Variants in DMD observed in about 807,000 individuals in gnomAD.
DMD encodes dystrophin.
Under a neutral mutation model 330.1 loss-of-function variants are expected in DMD, and 63 were observed. That is an observed-to-expected ratio of 0.19 (90% CI 0.16 to 0.24). The LOEUF is 0.24. Among genes scored for constraint, DMD ranks in the 10% least tolerant of loss-of-function variants. The pLI is 1.00. For synonymous variants in DMD, 1,223 were observed against 959.8 expected (o/e 1.27, Z -5.07); for missense variants, 3,344 against 2,684.1 (o/e 1.25, Z -5.43).
At chrX:31,935,760 T>C (rs1014683534) in intron 45 of DMD, among the ~76,000 whole-genome samples, 7 of 95,013 alleles carry the variant, frequency 7.4e-5, no homozygotes, top group African/African-American at 3.0e-4. Flanking sequence ...AGCAGACACG[T>C]TTAAGGAAAA....
chrX:33,225,309 A>C (rs1334037256), intron 1 of DMD, among the ~76,000 whole-genome samples: 1 of 112,013 alleles, frequency 8.9e-6, no homozygotes, highest in Admixed American at 9.5e-5. Flanking sequence ...CAGACTGAAG[A>C]CTTATTAAAT....
Position 31,121,600 on chromosome X carries a change from A to G in DMD, c.*319T>C. ...TAAAGAAATGGCAAGTTATTTAGCT[A>G]TCAAGATTTTACATGTAGTTTTCTT... is the stretch of plus-strand genomic sequence containing the variant. On this transcript the variant is annotated 3_prime_UTR_variant, in exon 79 of 79. Transcript: ENST00000357033. The G allele has an allele frequency of 3.1e-6, 1 of 320,178 alleles. No homozygotes were observed. The highest frequency in any genetic ancestry group is 5.0e-5 in the East Asian group (1 of 19,839). 26.4% of individuals were successfully genotyped at this position (320,178 alleles called of 1,213,427 possible). A position where few individuals can be genotyped will look rare whatever the true frequency, so the allele number is the denominator to read the frequency against.
intron 73 of DMD, among the ~76,000 whole-genome samples, chrX:31,171,949 G>T (rs1306491828): frequency 1.8e-5 from 2 of 111,797 alleles, no homozygotes; most frequent in Non-Finnish European, 1.9e-5. Flanking sequence ...GCTATACCAA[G>T]ATCACGTTTC....
rs966459011 is a variant in DMD, at chrX:31,280,065, A to G, written c.9225-19049T>C. On this transcript the variant is annotated intron_variant, in intron 62 of 78. Transcript: ENST00000357033. ...TGTTACACATCTGCTCCCAAGAAAG[A>G]ACGTTAGAAACTAGGCCTTTCTCAC... Among the ~76,000 whole-genome samples the G allele has an allele frequency of 3.6e-5, 4 of 112,045 alleles. No homozygotes were observed. In the East Asian group the frequency reaches 1.1e-3, roughly 31 times the overall value.
intron 34 of DMD, among the ~76,000 whole-genome samples, chrX:32,366,474 T>C (rs957035616): frequency 6.2e-5 from 7 of 112,253 alleles, no homozygotes; most frequent in Admixed American, 1.9e-4. Flanking sequence ...AACAAAATCA[T>C]TGAGAAACAG....
At chrX:31,421,962 CAT>C (rs759770005) in intron 60 of DMD, among the ~76,000 whole-genome samples, 31 of 63,888 alleles carry the variant, frequency 4.9e-4, no homozygotes, top group African/African-American at 1.4e-3. Flanking sequence ...TATATATACA[CAT>C]ATATATATAC....
rs191441060 is a variant in DMD, at chrX:33,136,988, T to A, written c.31+74294A>T. On this transcript the variant is annotated intron_variant, in intron 1 of 78. Coordinates refer to ENST00000357033, the MANE Select transcript of DMD (RefSeq NM_004006.3). ...TATAAATATACAAGTTTAGTATATA[T>A]TTTATATATTCAAGTTTAAAAACTA... is the stretch of plus-strand genomic sequence containing the variant. Among the ~76,000 whole-genome samples, 143 of 110,571 alleles carry A rather than the reference T, an allele frequency of 1.3e-3. 1 individual carries two copies. The highest frequency in any genetic ancestry group is 2.2e-3 in the Non-Finnish European group (115 of 52,969).
intron 62 of DMD, among the ~76,000 whole-genome samples, chrX:31,318,677 T>C (rs1242023854): frequency 8.9e-6 from 1 of 112,016 alleles, no homozygotes; most frequent in Non-Finnish European, 1.9e-5. Context: ...AAACACTCCT[T>C]TGGACATGAG....
intron 7 of DMD, among the ~76,000 whole-genome samples, chrX:32,738,005 A>G (rs1398935781): frequency 8.9e-6 from 1 of 111,897 alleles, no homozygotes. Context: ...TATAGAGTTG[A>G]TACCATATAA....
intron 44 of DMD, among the ~76,000 whole-genome samples, chrX:32,023,483 C>G (rs2147166917): frequency 9.0e-6 from 1 of 111,578 alleles, no homozygotes. Flanking sequence ...GTCAATAAAA[C>G]TGCACTTACA....
intron 60 of DMD, among the ~76,000 whole-genome samples, chrX:31,367,797 C>T (rs769120869): frequency 9.0e-6 from 1 of 111,695 alleles, no homozygotes; most frequent in African/African-American, 3.3e-5. Flanking sequence ...AAACCTCCCA[C>T]GACACTTACT....
chrX:31,153,931 G>T (rs1373337673), intron 74 of DMD, among the ~76,000 whole-genome samples: 1 of 112,121 alleles, frequency 8.9e-6, no homozygotes, highest in Non-Finnish European at 1.9e-5. Flanking sequence ...TTTTTGATTT[G>T]AGTCTGAATT....
At chrX:31,243,559 C>A (rs1647809778) in intron 63 of DMD, among the ~76,000 whole-genome samples, 1 of 112,057 alleles carries the variant, frequency 8.9e-6, no homozygotes, top group Admixed American at 9.5e-5. Flanking sequence ...GAAAAACACC[C>A]AGCAGATATT....
intron 2 of DMD, among the ~76,000 whole-genome samples, chrX:32,979,657 G>C (rs2092649089): frequency 1.8e-5 from 2 of 111,937 alleles, no homozygotes; most frequent in Admixed American, 1.9e-4. Flanking sequence ...AACACCAGGA[G>C]TAAGAAGAAG....
intron 47 of DMD, among the ~76,000 whole-genome samples, chrX:31,890,150 G>T (rs1488828641): frequency 9.3e-6 from 1 of 108,070 alleles, no homozygotes; most frequent in Non-Finnish European, 1.9e-5. Flanking sequence ...ATGGATTTCA[G>T]GGGGGGAAAG....
intron 55 of DMD, among the ~76,000 whole-genome samples, chrX:31,527,935 C>T (rs952134250): frequency 1.8e-5 from 2 of 110,979 alleles, no homozygotes; most frequent in Admixed American, 1.9e-4. Context: ...TTTCTCTTTT[C>T]TGCAGTGAAC....
intron 4 of DMD, among the ~76,000 whole-genome samples, chrX:32,839,338 A>G (rs983319821): frequency 9.0e-6 from 1 of 111,663 alleles, no homozygotes; most frequent in African/African-American, 3.3e-5. Context: ...CTCTGCTCAT[A>G]TAGGAACTGA....
At chrX:33,106,783 G>A (rs1046015143) in intron 1 of DMD, among the ~76,000 whole-genome samples, 1 of 111,626 alleles carries the variant, frequency 9.0e-6, no homozygotes, top group Admixed American at 9.6e-5. Flanking sequence ...TGGCTGACAG[G>A]CATTAGAAAT....
chrX:32,589,524 A>G (rs2054655942), intron 13 of DMD, among the ~76,000 whole-genome samples: 2 of 110,897 alleles, frequency 1.8e-5, no homozygotes, highest in South Asian at 7.5e-4. Context: ...AAATTTAACT[A>G]TATACACATT....
Sources: gnomAD v4.1 joint callset for allele counts (sites outside exome capture counted in the v4.1 genomes callset) on GRCh38, gnomAD v4.1.1 for gene constraint, MANE v1.5 for transcripts, NCBI Gene and HGNC (gene_info 2026-07-23, HGNC 2026-07-21) for gene names.